RNF14: variants seen among roughly 807,000 people sequenced by gnomAD.
RNF14 encodes the protein E3 ubiquitin-protein ligase RNF14.
A neutral mutation model predicts 52.6 loss-of-function variants in RNF14; 26 were observed. The observed-to-expected ratio is 0.49, with a 90% CI of 0.36 to 0.69. The LOEUF (loss-of-function observed/expected upper bound fraction) is 0.69, where lower values mean the gene tolerates loss of function less well. Among genes scored for constraint, RNF14 ranks in the 30% least tolerant of loss-of-function variants. The pLI is 0.00. For missense variants in RNF14, 404 were observed against 560.4 expected (o/e 0.72, Z 2.82); for synonymous variants, 194 against 202.0 (o/e 0.96, Z 0.34).
At chr5:141,968,673 C>T (rs1237485577), upstream of RNF14, among the ~76,000 whole-genome samples, 3 of 152,214 alleles carry the variant, frequency 2.0e-5, no homozygotes, top group Non-Finnish European at 4.4e-5. Context: ...AGCATCCTAA[C>T]TACTCGATAA....
At position 141,987,783 on chromosome 5, in the gene RNF14, A is replaced by T; in HGVS notation, c.1418A>T (p.Glu473Val). The T allele has an allele frequency of 6.2e-7, 1 of 1,613,354 alleles. No homozygotes were observed. The highest frequency in any genetic ancestry group is 8.5e-7 in the Non-Finnish European group (1 of 1,179,892). ...VDDDIWEDEVED is the reference protein window; with the variant it reads ...VDDDIWEDEVVD ...GACGATATTTGGGAAGATGAGGTAG[A>T]AGACTAGTTAACTACTGCTCAAGAT... is the stretch of plus-strand genomic sequence containing the variant. Residue 473 changes from glutamate (E) to valine (V), a missense_variant, in exon 9 of 9, where the codon GAA becomes GTA. Transcript: ENST00000394520.
chr5:141,964,709 G>A (rs1431029557), upstream of RNF14, among the ~76,000 whole-genome samples: 1 of 151,966 alleles, frequency 6.6e-6, no homozygotes, highest in Non-Finnish European at 1.5e-5. Context: ...TGCCTCTTGG[G>A]TTCAAGTGAT....
intron 1 of RNF14, chr5:141,969,437 T>G (rs958498895): frequency 1.3e-5 from 2 of 152,202 alleles, no homozygotes; most frequent in African/African-American, 2.4e-5. Context: ...AGCTCACACA[T>G]CCGCATTGCG....
At chr5:141,965,053 T>C (rs183197510), upstream of RNF14, among the ~76,000 whole-genome samples, 107 of 152,308 alleles carry the variant, frequency 7.0e-4, no homozygotes, top group African/African-American at 2.4e-3. Flanking sequence ...GGGACACTTC[T>C]GTACTGGGGT....
In RNF14 at chr5:141,988,857, T is replaced by G. The variant is rs1430467529; in HGVS notation, c.*1067T>G. ...TATGGGAATTTGGCTTCATACTCTT[T>G]CTTTGCAACAGCAGTGTTCTGGGTG... On this transcript the variant is annotated 3_prime_UTR_variant, in exon 9 of 9. Transcript: ENST00000394520. 1 of 152,374 alleles carries G rather than the reference T, an allele frequency of 6.6e-6. No individual in the cohort carries two copies. The highest frequency in any genetic ancestry group is 1.5e-5 in the Non-Finnish European group (1 of 68,042). The allele number at this position is 152,374 out of a possible 1,614,324, so 9.4% of individuals were successfully genotyped here. A position where few individuals can be genotyped will look rare whatever the true frequency, so the allele number is the denominator to read the frequency against.
the RNF14 span, chr5:141,949,700 C>A: frequency 1.2e-5 from 15 of 1,271,188 alleles, no homozygotes; most frequent in Admixed American, 2.6e-5. Context: ...CACAGCCTGG[C>A]CTCTAGAGTC....
upstream of RNF14, among the ~76,000 whole-genome samples, chr5:141,966,162 TC>T (rs1449488398): frequency 6.6e-6 from 1 of 151,952 alleles, no homozygotes; most frequent in Non-Finnish European, 1.5e-5. Context: ...GCACCTGGAA[TC>T]CCAGCTACTC....
intron 4 of RNF14, among the ~76,000 whole-genome samples, chr5:141,976,883 G>T (rs1421604043): frequency 2.7e-5 from 4 of 150,172 alleles, no homozygotes; most frequent in African/African-American, 7.4e-5. Context: ...CTGCCTAGTG[G>T]GTTCAAGTGG....
chr5:141,967,276 A>G (rs1753375290), upstream of RNF14, among the ~76,000 whole-genome samples: 1 of 152,218 alleles, frequency 6.6e-6, no homozygotes, highest in Non-Finnish European at 1.5e-5. Context: ...AAGAACTTCA[A>G]GAGGGTGAGA....
intron 1 of RNF14, 126 bp downstream of exon 1, chr5:141,969,293 G>C (rs1049589248): frequency 6.6e-6 from 1 of 152,546 alleles, no homozygotes; most frequent in Admixed American, 6.5e-5. Context: ...GGCTGGGACT[G>C]TACACTGGGC....
At chr5:141,951,333 A>G in the RNF14 span, among the ~76,000 whole-genome samples, 2 of 152,138 alleles carry the variant, frequency 1.3e-5, no homozygotes, top group African/African-American at 2.4e-5. Context: ...TCACCTCACG[A>G]CCAAAACTCC....
At chr5:141,985,402 G>A (rs1212933015) in intron 8 of RNF14, among the ~76,000 whole-genome samples, 1 of 152,134 alleles carries the variant, frequency 6.6e-6, no homozygotes, top group Non-Finnish European at 1.5e-5. Flanking sequence ...AAACATATTT[G>A]AAACTTCCTA....
At chr5:141,957,098 C>A, upstream of RNF14, 1 of 1,614,120 alleles carries the variant, frequency 6.2e-7, no homozygotes, top group Non-Finnish European at 8.5e-7. The surrounding 1 kb of genome is among the most constrained non-coding windows in gnomAD (Gnocchi z 4.3). Context: ...TCTTGGATTT[C>A]CAGTGCCAGT....
chr5:141,980,560 G>A (rs1009844963), intron 6 of RNF14, among the ~76,000 whole-genome samples: 1 of 152,182 alleles, frequency 6.6e-6, no homozygotes. Context: ...TTCTACCAGG[G>A]GAGACAGGAA....
upstream of RNF14, among the ~76,000 whole-genome samples, chr5:141,962,311 A>G (rs1389939642): frequency 6.6e-6 from 1 of 152,216 alleles, no homozygotes; most frequent in East Asian, 1.9e-4. Context: ...AAAAAGCTTT[A>G]TGTCTTGGTT....
chr5:141,985,047 A>G, intron 8 of RNF14, 114 bp downstream of exon 8: 1 of 966,770 alleles, frequency 1.0e-6, no homozygotes, highest in Non-Finnish European at 1.6e-6. Context: ...ATTCTCTTAC[A>G]TGTTTTCCCC....
At position 141,981,002 on chromosome 5, in the gene RNF14, G is replaced by C. The variant is rs139407118; in HGVS notation, c.1063+651G>C. Among the ~76,000 whole-genome samples the C allele has an allele frequency of 6.0e-3, 914 of 152,244 alleles. 5 individuals are homozygous for C. The highest frequency in any genetic ancestry group is 9.6e-3 in the Non-Finnish European group (652 of 68,020). ...GACACAGGAGTGAAATGTGTTTGCC[G>C]TTTCCAGTCTACGTAAGGAATCATA... is the stretch of plus-strand genomic sequence containing the variant. On this transcript the variant is annotated intron_variant, in intron 6 of 8. Transcript: ENST00000394520.
chr5:141,953,760 G>C (rs1460981390), upstream of RNF14, among the ~76,000 whole-genome samples: 1 of 152,228 alleles, frequency 6.6e-6, no homozygotes, highest in Non-Finnish European at 1.5e-5. Flanking sequence ...GGCAGCCTCT[G>C]GGTCTGCACC....
chr5:141,970,268 G>C (rs1361183086), intron 1 of RNF14, among the ~76,000 whole-genome samples: 1 of 152,076 alleles, frequency 6.6e-6, no homozygotes, highest in East Asian at 1.9e-4. Flanking sequence ...GTATTTTTCT[G>C]TTACCAAAAT....
Sources: allele counts gnomAD v4.1 joint callset (sites outside exome capture counted in the v4.1 genomes callset), GRCh38; gene constraint gnomAD v4.1.1; non-coding constraint Gnocchi (gnomAD v3.1); transcripts MANE v1.5; gene names NCBI Gene and HGNC (gene_info 2026-07-23, HGNC 2026-07-21).